Variants in PLOD2 observed in about 807,000 individuals in gnomAD.
PLOD2 encodes procollagen-lysine,2-oxoglutarate 5-dioxygenase 2.
In PLOD2, 65 loss-of-function variants were observed where a neutral mutation model predicts 101.0. That is an observed-to-expected ratio of 0.64 (90% CI 0.53 to 0.79). PLOD2 has a LOEUF of 0.79. Among genes scored for constraint, PLOD2 ranks in the 30% least tolerant of loss-of-function variants. The pLI is 0.00. For missense variants in PLOD2, 909 were observed against 914.6 expected (o/e 0.99, Z 0.08); for synonymous variants, 314 against 302.9 (o/e 1.04, Z -0.38).
chr3:146,106,617 T>G lies in PLOD2; in HGVS notation c.530A>C (p.Asn177Thr). ...GAGATTCCATTGTTGAACTATACGG[T>G]TGACATATGGAGCATAGCCAATAAA... ...GGFIGYAPYV[N>T]RIVQQWNLQD... The change falls in exon 5 of 20, where the codon AAC becomes ACC. Residue 177 changes from asparagine to threonine, a missense_variant. By Grantham distance (65) the Asn-to-Thr change is moderately conservative (BLOSUM62 0). Transcript: ENST00000282903. 1.3e-6 allele frequency: 2 copies of G among 1,582,262 alleles called. No homozygotes were observed. Among genetic ancestry groups the G allele is most frequent in the Non-Finnish European group, 1.7e-6 (2 of 1,151,062 alleles).
At chr3:146,159,170 T>C (rs961257451) in intron 1 of PLOD2, among the ~76,000 whole-genome samples, 1 of 152,216 alleles carries the variant, frequency 6.6e-6, no homozygotes, top group African/African-American at 2.4e-5. Flanking sequence ...ATTTCGACCC[T>C]AACCGAATTC....
intron 1 of PLOD2, among the ~76,000 whole-genome samples, chr3:146,151,776 TTTTG>T (rs376506555): frequency 0.014 from 2,118 of 147,012 alleles, 49 homozygotes; most frequent in African/African-American, 0.049. Flanking sequence ...CTTGTGTGGT[TTTTG>T]TTTGTTCATT....
At chr3:146,112,776 G>C (rs185397575) in intron 3 of PLOD2, among the ~76,000 whole-genome samples, 25 of 151,194 alleles carry the variant, frequency 1.7e-4, no homozygotes, top group African/African-American at 5.3e-4. Context: ...GCTTGAACCC[G>C]AGAGGTGGAG....
At chr3:146,104,238 T>G (rs777468518) in intron 6 of PLOD2, 41 bp downstream of exon 6, 20 of 1,143,328 alleles carry the variant, frequency 1.7e-5, no homozygotes, top group South Asian at 6.1e-5. Flanking sequence ...ACACAGGTGT[T>G]TGTTTGTATA....
chr3:146,118,426 T>A (rs1014596689), intron 3 of PLOD2, among the ~76,000 whole-genome samples: 3 of 152,174 alleles, frequency 2.0e-5, no homozygotes, highest in African/African-American at 7.2e-5. Context: ...ACATCTATTT[T>A]CATTTCATAA....
intron 1 of PLOD2, among the ~76,000 whole-genome samples, chr3:146,148,259 T>A (rs371153804): frequency 8.3e-4 from 126 of 151,932 alleles, no homozygotes; most frequent in African/African-American, 2.9e-3. Context: ...ATTAAGATCA[T>A]GTTAAAAATA....
chr3:146,096,174 C>T (rs1048857541), intron 7 of PLOD2, among the ~76,000 whole-genome samples: 249 of 146,988 alleles, frequency 1.7e-3, no homozygotes, highest in Middle Eastern at 7.2e-3. Context: ...CAGATGGAGT[C>T]TCGTTCACTC....
intron 6 of PLOD2, 125 bp downstream of exon 6, chr3:146,104,154 A>G (rs1937488808): frequency 1.4e-6 from 1 of 721,926 alleles, no homozygotes; most frequent in South Asian, 1.5e-5. Context: ...TTAAGTTACA[A>G]TAATTACAAT....
At chr3:146,082,616 G>A (rs1936597149) in intron 11 of PLOD2, among the ~76,000 whole-genome samples, 2 of 152,134 alleles carry the variant, frequency 1.3e-5, no homozygotes, top group South Asian at 4.1e-4. Context: ...CATCGGGCCC[G>A]GCGCAGTGGC....
At chr3:146,151,803 TTC>T (rs1043816377) in intron 1 of PLOD2, among the ~76,000 whole-genome samples, 12 of 152,208 alleles carry the variant, frequency 7.9e-5, no homozygotes, top group Non-Finnish European at 1.5e-5. Context: ...GGTTTGTTTT[TTC>T]TGTTTTTCCT....
chr3:146,102,986 C>T (rs1441352116), intron 6 of PLOD2, 134 bp from the exon 7 acceptor site: 1 of 614,060 alleles, frequency 1.6e-6, no homozygotes, highest in Non-Finnish European at 3.0e-6. Context: ...CCAAGTGCTA[C>T]AACACTTCTA....
intron 1 of PLOD2, among the ~76,000 whole-genome samples, chr3:146,138,571 G>C (rs974917016): frequency 1.3e-5 from 2 of 152,060 alleles, no homozygotes; most frequent in African/African-American, 2.4e-5. Context: ...GCTGGGTTCA[G>C]GCCTCATACA....
chr3:146,087,547 C>T (rs141498534), intron 9 of PLOD2, among the ~76,000 whole-genome samples: 6 of 151,976 alleles, frequency 3.9e-5, no homozygotes, highest in African/African-American at 1.2e-4. Flanking sequence ...GTAAGATTAT[C>T]TGTCTCCATC....
At chr3:146,079,316 T>C (rs1936451579) in intron 12 of PLOD2, 59 bp from the exon 13 acceptor site, 1 of 1,280,742 alleles carries the variant, frequency 7.8e-7, no homozygotes, top group African/African-American at 1.5e-5. Flanking sequence ...TTAAGTTTCA[T>C]TTTTACCTTT....
Position 146,086,928 on chromosome 3 carries a change from T to A in PLOD2, c.1006-20A>T. ...AACTTCCTGTAACATATTTTAAAAA[T>A]CAAAAATTAGAGAATAAGACAATCA... On this transcript the variant is annotated intron_variant, in intron 9 of 19. Coordinates refer to ENST00000282903, the MANE Select transcript of PLOD2 (RefSeq NM_182943.3). 1 of 1,414,560 alleles carries A rather than the reference T, an allele frequency of 7.1e-7. No homozygotes were observed. The highest frequency in any genetic ancestry group is 9.8e-7 in the Non-Finnish European group (1 of 1,017,110). 87.6% of individuals were successfully genotyped at this position (1,414,560 alleles called of 1,614,324 possible). A position where few individuals can be genotyped will look rare whatever the true frequency, so the allele number is the denominator to read the frequency against.
At chr3:146,073,041 T>C (rs1936207410) in intron 16 of PLOD2, among the ~76,000 whole-genome samples, 1 of 151,642 alleles carries the variant, frequency 6.6e-6, no homozygotes, top group South Asian at 2.1e-4. Context: ...TTTTAGTGGT[T>C]TCAGAAAGCT....
At chr3:146,134,549 T>C (rs149999952) in intron 1 of PLOD2, among the ~76,000 whole-genome samples, 2 of 152,326 alleles carry the variant, frequency 1.3e-5, no homozygotes, top group African/African-American at 4.8e-5. Flanking sequence ...AAATGCTTTA[T>C]TAGAGAATAT....
At chr3:146,125,722 A>T (rs2030525333) in intron 1 of PLOD2, among the ~76,000 whole-genome samples, 1 of 152,116 alleles carries the variant, frequency 6.6e-6, no homozygotes, top group African/African-American at 2.4e-5. Context: ...ACTCCAGCCT[A>T]GGTGATGAGG....
chr3:146,136,945 C>G (rs928929009), intron 1 of PLOD2, among the ~76,000 whole-genome samples: 1 of 152,138 alleles, frequency 6.6e-6, no homozygotes, highest in African/African-American at 2.4e-5. Context: ...ATTCCAAAAT[C>G]TGTAAAAACT....
Sources: allele counts gnomAD v4.1 joint callset (sites outside exome capture counted in the v4.1 genomes callset), GRCh38; gene constraint gnomAD v4.1.1; transcripts MANE v1.5; gene names NCBI Gene and HGNC (gene_info 2026-07-23, HGNC 2026-07-21).